The following GAS7 variants were observed in gnomAD, a reference collection of about 807,000 sequenced individuals.
The protein encoded by GAS7 is growth arrest specific 7, also known as growth arrest-specific protein 7.
In GAS7, 28 loss-of-function variants were observed where a neutral mutation model predicts 71.1. The ratio of observed to expected loss-of-function variants is 0.39; its 90% CI spans 0.29 to 0.54. GAS7 has a LOEUF of 0.54. Ranked by LOEUF, GAS7 falls within the 20% of genes least tolerant of loss-of-function variation. The pLI, the probability that GAS7 is intolerant of heterozygous loss-of-function variation, is 0.62. For missense variants in GAS7, 436 were observed against 627.8 expected (o/e 0.69, Z 3.27); for synonymous variants, 258 against 245.8 (o/e 1.05, Z -0.46).
rs899866517 is a variant in GAS7 at position 10,117,004 on chromosome 17, C to T, written c.183+81204G>A. 2.6e-5 allele frequency among the ~76,000 whole-genome samples: 4 copies of T among 152,156 alleles called. No homozygotes were observed. The East Asian group carries it at 5.8e-4, about 22-fold the overall frequency. ...GAGGCTGCTGTAACAAATTCCCATA[C>T]ACTAACGGGCTTCAAACAATGAAAA... On this transcript the variant is annotated intron_variant, in intron 1 of 13. Transcript: ENST00000432992.
At chr17:10,038,229 AT>A (rs2072793216) in intron 1 of GAS7, among the ~76,000 whole-genome samples, 1 of 152,102 alleles carries the variant, frequency 6.6e-6, no homozygotes, top group African/African-American at 2.4e-5. Context: ...GTGGTGGTGT[AT>A]ACCTGTAGTC....
At chr17:10,092,418 C>T (rs73273854) in intron 1 of GAS7, among the ~76,000 whole-genome samples, 2,499 of 152,280 alleles carry the variant, frequency 0.016, 51 homozygotes, top group African/African-American at 0.056. Flanking sequence ...TTAGAAATGG[C>T]CAGCACCCAA....
At chr17:10,169,112 T>C (rs2074316248) in intron 1 of GAS7, among the ~76,000 whole-genome samples, 1 of 150,626 alleles carries the variant, frequency 6.6e-6, no homozygotes, top group South Asian at 2.1e-4. Flanking sequence ...CTGTCTCTAC[T>C]AAAAATACAA....
intron 1 of GAS7, among the ~76,000 whole-genome samples, chr17:10,167,908 A>G (rs1259267666): frequency 6.6e-6 from 1 of 152,026 alleles, no homozygotes; most frequent in African/African-American, 2.4e-5. Context: ...CATGTTGCGC[A>G]GGCTGGTCTT....
chr17:9,932,281 G>T (rs2068238320), intron 9 of GAS7, among the ~76,000 whole-genome samples: 1 of 144,972 alleles, frequency 6.9e-6, no homozygotes, highest in Non-Finnish European at 1.5e-5. Context: ...TGCAACTTCT[G>T]CCTCCAGGGT....
chr17:10,098,903 C>T (rs1348684780), intron 1 of GAS7, among the ~76,000 whole-genome samples: 2 of 152,116 alleles, frequency 1.3e-5, no homozygotes, highest in African/African-American at 4.8e-5. Flanking sequence ...TTGCAGTGAG[C>T]CAAGATCGTG....
chr17:10,168,136 T>C (rs959819412), intron 1 of GAS7, among the ~76,000 whole-genome samples: 37 of 152,154 alleles, frequency 2.4e-4, no homozygotes, highest in Admixed American at 1.6e-3. Context: ...AAGAAAAAAT[T>C]AGAAGCACTT....
chr17:9,921,532 G>GCTTC (rs1456055017), intron 11 of GAS7, among the ~76,000 whole-genome samples: 1 of 152,170 alleles, frequency 6.6e-6, no homozygotes, highest in African/African-American at 2.4e-5. Flanking sequence ...TTGAGAAATT[G>GCTTC]CTTCAGGAAC....
chr17:9,937,804 C>T (rs528119475), intron 8 of GAS7, among the ~76,000 whole-genome samples: 2 of 152,340 alleles, frequency 1.3e-5, no homozygotes, highest in Admixed American at 6.5e-5. Flanking sequence ...GGTTCACTCC[C>T]CCTTGGAGAA....
At chr17:10,106,939 C>A (rs2142060840) in intron 1 of GAS7, among the ~76,000 whole-genome samples, 1 of 152,208 alleles carries the variant, frequency 6.6e-6, no homozygotes, top group South Asian at 2.1e-4. Context: ...ATCACAGGGT[C>A]TAAGAGGAAG....
In GAS7 at chr17:10,035,473, G is replaced by A. The variant is rs551468199; in HGVS notation, c.184-15576C>T. Reference sequence around the variant, plus strand: ...TGGACGGTCCTAGGTCAACTAACCCGTTAGAGATGCTCCTGGATAACAAGC... The same window carrying A: ...TGGACGGTCCTAGGTCAACTAACCCATTAGAGATGCTCCTGGATAACAAGC... On this transcript the variant is annotated intron_variant, in intron 1 of 13. Transcript: ENST00000432992. 1.0e-3 allele frequency among the ~76,000 whole-genome samples: 158 copies of A among 152,280 alleles called. 1 individual carries two copies. The highest frequency in any genetic ancestry group is 3.4e-3 in the African/African-American group (142 of 41,558).
intron 5 of GAS7, among the ~76,000 whole-genome samples, chr17:9,952,956 A>G (rs2069080172): frequency 6.6e-6 from 1 of 152,190 alleles, no homozygotes; most frequent in Non-Finnish European, 1.5e-5. Flanking sequence ...AAAGAACTAA[A>G]AACAGAACTA....
At chr17:10,154,247 C>T (rs2074187983) in intron 1 of GAS7, among the ~76,000 whole-genome samples, 1 of 152,072 alleles carries the variant, frequency 6.6e-6, no homozygotes, top group Admixed American at 6.6e-5. Context: ...GCCTGTAATC[C>T]AGACAGTTTG....
At chr17:10,016,614 A>C (rs1016004645) in intron 2 of GAS7, among the ~76,000 whole-genome samples, 9 of 147,144 alleles carry the variant, frequency 6.1e-5, no homozygotes, top group Non-Finnish European at 4.5e-5. Context: ...AAAAAAAAAA[A>C]AAAAAAAAAA....
At chr17:10,075,086 G>A (rs774093021) in intron 1 of GAS7, among the ~76,000 whole-genome samples, 14 of 152,072 alleles carry the variant, frequency 9.2e-5, no homozygotes, top group Non-Finnish European at 1.3e-4. Flanking sequence ...GGCTGGGAGC[G>A]GTGGTTCACA....
chr17:10,171,437 A>C (rs1338315169), intron 1 of GAS7, among the ~76,000 whole-genome samples: 1 of 152,238 alleles, frequency 6.6e-6, no homozygotes, highest in Non-Finnish European at 1.5e-5. Context: ...ATTTAGCAGG[A>C]AATCGGCTTC....
chr17:10,174,442 C>T (rs2074356664), intron 1 of GAS7, among the ~76,000 whole-genome samples: 1 of 152,136 alleles, frequency 6.6e-6, no homozygotes, highest in Non-Finnish European at 1.5e-5. Flanking sequence ...TCTATAATCC[C>T]AGCACTCTGG....
chr17:10,181,651 T>C (rs2074417892), intron 1 of GAS7, among the ~76,000 whole-genome samples: 1 of 152,150 alleles, frequency 6.6e-6, no homozygotes, highest in South Asian at 2.1e-4. Context: ...GCATGGTATA[T>C]TGTAAAGGCA....
In GAS7 at chr17:9,913,552, G is replaced by A. The variant is rs879748804; in HGVS notation, c.*3676C>T. 1.1e-4 allele frequency: 26 copies of A among 231,206 alleles called. No homozygotes were observed. The highest frequency in any genetic ancestry group is 2.1e-4 in the Non-Finnish European group (24 of 116,682). The allele number at this position is 231,206 out of a possible 1,614,324, so 14.3% of individuals were successfully genotyped here. On this transcript the variant is annotated 3_prime_UTR_variant, in exon 14 of 14. Coordinates refer to ENST00000432992, the MANE Select transcript of GAS7 (RefSeq NM_201433.2). ...AAAGAAACCCCTGGTTGGTGAATTC[G>A]TTGGTACACTGTTTCGGTGTGCCCA...
Sources: allele counts gnomAD v4.1 joint callset (sites outside exome capture counted in the v4.1 genomes callset), GRCh38; gene constraint gnomAD v4.1.1; transcripts MANE v1.5; gene names NCBI Gene and HGNC (gene_info 2026-07-23, HGNC 2026-07-21).